Variants in TMEM132C observed in about 807,000 individuals in gnomAD.
TMEM132C encodes the protein transmembrane protein 132C.
Under a neutral mutation model 61.4 loss-of-function variants are expected in TMEM132C, and 29 were observed. The observed-to-expected ratio is 0.47, with a 90% CI of 0.35 to 0.64. TMEM132C has a LOEUF of 0.64. Ranked by LOEUF, TMEM132C falls within the 30% of genes least tolerant of loss-of-function variation. The pLI is 0.00. For synonymous variants in TMEM132C, 656 were observed against 633.1 expected (o/e 1.04, Z -0.54); for missense variants, 1,408 against 1,476.9 (o/e 0.95, Z 0.76).
At chr12:128,403,304 C>G (rs1875232456) in intron 1 of TMEM132C, among the ~76,000 whole-genome samples, 1 of 152,060 alleles carries the variant, frequency 6.6e-6, no homozygotes, top group Non-Finnish European at 1.5e-5. Context: ...AGTCAGGGCT[C>G]TCCTTGAGGC....
At chr12:128,301,507 C>T (rs1389112235) in intron 1 of TMEM132C, among the ~76,000 whole-genome samples, 1 of 152,318 alleles carries the variant, frequency 6.6e-6, no homozygotes, top group East Asian at 1.9e-4. Context: ...GCTCTAACAT[C>T]TACAAATGAC....
chr12:128,290,154 G>C (rs575007710), intron 1 of TMEM132C, among the ~76,000 whole-genome samples: 1 of 152,240 alleles, frequency 6.6e-6, no homozygotes, highest in Admixed American at 6.5e-5. Context: ...GTGTGATGCT[G>C]GGACACTGTA....
intron 1 of TMEM132C, among the ~76,000 whole-genome samples, chr12:128,329,082 C>T (rs909068052): frequency 2.6e-5 from 4 of 152,134 alleles, no homozygotes; most frequent in African/African-American, 9.7e-5. Flanking sequence ...AGCAGGCCTG[C>T]TCTTTGAGTG....
chr12:128,704,190 AAC>A (rs1954820973), intron 8 of TMEM132C, among the ~76,000 whole-genome samples: 2 of 152,234 alleles, frequency 1.3e-5, no homozygotes, highest in Non-Finnish European at 2.9e-5. Context: ...CATTTGCAGC[AAC>A]ATGGATGATC....
At chr12:128,497,198 G>A (rs570492320) in intron 2 of TMEM132C, among the ~76,000 whole-genome samples, 4 of 152,300 alleles carry the variant, frequency 2.6e-5, no homozygotes, top group Admixed American at 2.0e-4. Flanking sequence ...TGGAAGCTTC[G>A]TCTCAGAGGG....
At chr12:128,301,792 T>TTCCC (rs1461007645) in intron 1 of TMEM132C, among the ~76,000 whole-genome samples, 16 of 152,304 alleles carry the variant, frequency 1.1e-4, no homozygotes, top group Admixed American at 3.9e-4. Flanking sequence ...GATAAAGACA[T>TTCCC]AGCTGAGACT....
chr12:128,528,343 G>A (rs1191093713), intron 2 of TMEM132C, among the ~76,000 whole-genome samples: 1 of 152,176 alleles, frequency 6.6e-6, no homozygotes, highest in Non-Finnish European at 1.5e-5. Context: ...AATTAAATTA[G>A]CATCGTGCCA....
At chr12:128,305,869 C>T (rs1047291807) in intron 1 of TMEM132C, among the ~76,000 whole-genome samples, 2 of 152,150 alleles carry the variant, frequency 1.3e-5, no homozygotes, top group Non-Finnish European at 2.9e-5. Context: ...CCTGTATAGA[C>T]GATGCCTAGA....
intron 4 of TMEM132C, among the ~76,000 whole-genome samples, chr12:128,629,697 G>A (rs1279965348): frequency 6.6e-6 from 1 of 152,178 alleles, no homozygotes; most frequent in Non-Finnish European, 1.5e-5. Context: ...TCCAGGCACG[G>A]TGGCTCACGC....
intron 1 of TMEM132C, among the ~76,000 whole-genome samples, chr12:128,315,640 C>G (rs951637568): frequency 6.6e-6 from 1 of 151,996 alleles, no homozygotes; most frequent in Non-Finnish European, 1.5e-5. Flanking sequence ...TGAATAGTGG[C>G]CCCCCAAAAT....
intron 4 of TMEM132C, among the ~76,000 whole-genome samples, chr12:128,626,503 G>C (rs995328752): frequency 5.1e-5 from 7 of 137,652 alleles, no homozygotes; most frequent in African/African-American, 2.2e-4. Context: ...GGAGTGCAGT[G>C]GTGTGATCTC....
intron 2 of TMEM132C, among the ~76,000 whole-genome samples, chr12:128,462,421 G>T (rs1051957845): frequency 5.3e-5 from 8 of 152,180 alleles, no homozygotes; most frequent in African/African-American, 1.9e-4. Flanking sequence ...CGGACCTGAG[G>T]ATGTAGTCAG....
chr12:128,388,946 CA>C (rs1184387583), intron 1 of TMEM132C, among the ~76,000 whole-genome samples: 3 of 152,134 alleles, frequency 2.0e-5, no homozygotes, highest in Non-Finnish European at 4.4e-5. Context: ...GAGGCTGCTC[CA>C]AAAGAAGTCT....
chr12:128,419,691 T>A (rs1278804200), intron 2 of TMEM132C, among the ~76,000 whole-genome samples: 1 of 152,210 alleles, frequency 6.6e-6, no homozygotes, highest in Non-Finnish European at 1.5e-5. Context: ...TATTTTCTTT[T>A]GATAGCCCAA....
intron 4 of TMEM132C, among the ~76,000 whole-genome samples, chr12:128,638,914 ATGG>A (rs1487662875): frequency 2.5e-4 from 24 of 95,244 alleles, no homozygotes; most frequent in African/African-American, 9.4e-4. Flanking sequence ...GATGGTGATG[ATGG>A]TGGTGATGGT....
intron 5 of TMEM132C, among the ~76,000 whole-genome samples, chr12:128,670,973 G>T (rs943200763): frequency 2.6e-5 from 4 of 151,796 alleles, no homozygotes; most frequent in African/African-American, 9.7e-5. Flanking sequence ...TTTTTTAATG[G>T]GCAAAAAAAT....
intron 1 of TMEM132C, among the ~76,000 whole-genome samples, chr12:128,291,219 A>G (rs1592999406): frequency 6.6e-6 from 1 of 152,268 alleles, no homozygotes; most frequent in Admixed American, 6.5e-5. Context: ...ATAAATATCT[A>G]TAGAGGTGTT....
intron 2 of TMEM132C, among the ~76,000 whole-genome samples, chr12:128,441,468 C>T (rs12313918): frequency 0.12 from 18,684 of 152,240 alleles, 1,522 homozygotes; most frequent in African/African-American, 0.23. Flanking sequence ...TCCAAATCTG[C>T]AGCTTTGGCT....
chr12:128,561,056 T>C (rs1017964544), intron 3 of TMEM132C, among the ~76,000 whole-genome samples: 1 of 152,222 alleles, frequency 6.6e-6, no homozygotes, highest in Non-Finnish European at 1.5e-5. Context: ...AAAGCTACTG[T>C]CATGCCCCAT....
Sources: gnomAD v4.1 joint callset for allele counts (sites outside exome capture counted in the v4.1 genomes callset) on GRCh38, gnomAD v4.1.1 for gene constraint, MANE v1.5 for transcripts, NCBI Gene and HGNC (gene_info 2026-07-23, HGNC 2026-07-21) for gene names.